Variants in PGP observed in about 807,000 individuals in gnomAD.
PGP encodes the protein phosphoglycolate phosphatase, also known as aspartate-based ubiquitous Mg(2+)-dependent phosphatase.
A neutral mutation model predicts 19.3 loss-of-function variants in PGP; 9 were observed. That is an observed-to-expected ratio of 0.47 (90% confidence interval 0.28 to 0.81). PGP has a LOEUF of 0.81. Among genes scored for constraint, PGP ranks in the 40% least tolerant of loss-of-function variants. The probability of loss-of-function intolerance (pLI) is 0.11; values close to 1 mark genes in which losing one functional copy is unlikely to be tolerated. For synonymous variants in PGP, 308 were observed against 226.8 expected, an observed-to-expected ratio of 1.36 and a Z score of -3.22; for missense variants, 403 against 479.9, an observed-to-expected ratio of 0.84 and a Z score of 1.50.
rs1208967303 is a variant in PGP, at chr16:2,213,453, G to C, written c.*275C>G. 2.4e-6 allele frequency: 2 copies of C among 833,336 alleles called. No homozygotes were observed. Among genetic ancestry groups the C allele is most frequent in the Non-Finnish European group, 3.1e-6 (2 of 641,932 alleles). 51.6% of individuals were successfully genotyped at this position (833,336 alleles called of 1,614,324 possible). On this transcript the variant is annotated 3_prime_UTR_variant, in exon 2 of 2. Transcript: ENST00000333503. ...CCCTGGTTACCTGAATCCCGGACAGGTGCAGAGCCTGCCCCTGCCAACCCC... is the reference window on the plus strand; with the variant it reads ...CCCTGGTTACCTGAATCCCGGACAGCTGCAGAGCCTGCCCCTGCCAACCCC...
rs192654577 is a variant in PGP at position 2,213,092 on chromosome 16, C to G, written c.*636G>C. On this transcript the variant is annotated 3_prime_UTR_variant, in exon 2 of 2. Transcript: ENST00000333503. ...AGAACTGGGCAGCAGCCCTGGGTAT[C>G]TGAAACGGAACAGACACTCAGTTGT... The G allele has an allele frequency of 1.0e-5, 10 of 985,414 alleles. No homozygotes were observed. Among genetic ancestry groups the G allele is most frequent in the East Asian group, 1.1e-4 (1 of 8,842 alleles). The allele number at this position is 985,414 out of a possible 1,614,324, so 61.0% of individuals were successfully genotyped here. A position where few individuals can be genotyped will look rare whatever the true frequency, so the allele number is the denominator to read the frequency against.
rs983859824 is a variant in PGP, at chr16:2,214,586, G to T, written c.192C>A (p.Gly64=). 2.0e-6 allele frequency: 3 copies of T among 1,470,702 alleles called. No homozygotes were observed. Among genetic ancestry groups the T allele is most frequent in the African/African-American group, 2.9e-5 (2 of 68,064 alleles). The allele number at this position is 1,470,702 out of a possible 1,614,324, so 91.1% of individuals were successfully genotyped here. ...TCTTGCTGCTGTTGTTGGTGATGAA[G>T]CCCAGGCGCTTGCCGCGGGCTCGCA... ...RALRARGKRL[G]FITNNSSKTR... is the part of the protein sequence containing the mutation. Residue 64 remains glycine, a synonymous_variant, in exon 1 of 2, where the codon GGC becomes GGA. Coordinates refer to ENST00000333503, the MANE Select transcript of PGP (RefSeq NM_001042371.3). This position sits in a 1 kb window ranked among gnomAD's most constrained non-coding sequence, Gnocchi z 7.1.
In PGP at chr16:2,213,345, C is replaced by T; in HGVS notation, c.*383G>A. 7.0e-6 allele frequency: 7 copies of T among 993,666 alleles called. No individual in the cohort carries two copies. Among genetic ancestry groups the T allele is most frequent in the Non-Finnish European group, 8.4e-6 (7 of 835,194 alleles). The allele number at this position is 993,666 out of a possible 1,614,324, so 61.6% of individuals were successfully genotyped here. On this transcript the variant is annotated 3_prime_UTR_variant, in exon 2 of 2. Coordinates refer to ENST00000333503, the MANE Select transcript of PGP (RefSeq NM_001042371.3). ...GTCAGAATAATCAGTCCCTCTGCCCCCTGAGGGGCTGGATCCCTGAATGAG... is the reference window on the plus strand; with the variant it reads ...GTCAGAATAATCAGTCCCTCTGCCCTCTGAGGGGCTGGATCCCTGAATGAG...
At position 2,213,308 on chromosome 16, in the gene PGP, C is replaced by A. The variant is rs975576805; in HGVS notation, c.*420G>T. 13 of 988,316 alleles carry A rather than the reference C, an allele frequency of 1.3e-5. No individual in the cohort carries two copies. Among genetic ancestry groups the A allele is most frequent in the Non-Finnish European group, 1.6e-5 (13 of 831,722 alleles). 61.2% of individuals were successfully genotyped at this position (988,316 alleles called of 1,614,324 possible). On this transcript the variant is annotated 3_prime_UTR_variant, in exon 2 of 2. Transcript: ENST00000333503. ...CTGATGGGGCTCTGGTCCATGCAAG[C>A]CTCTCCCAACAGTCAGAATAATCAG...
chr16:2,212,956 T>C lies in PGP; in HGVS notation c.*772A>G. On this transcript the variant is annotated 3_prime_UTR_variant, in exon 2 of 2. Coordinates refer to ENST00000333503, the MANE Select transcript of PGP (RefSeq NM_001042371.3). ...CAGCACTGCTCTGAGCTCCCTGCACTGCAGCCCGGAGTTCAGTGAAGGCGT... is the reference window on the plus strand; with the variant it reads ...CAGCACTGCTCTGAGCTCCCTGCACCGCAGCCCGGAGTTCAGTGAAGGCGT... 2 of 985,530 alleles carry C rather than the reference T, an allele frequency of 2.0e-6. No homozygotes were observed. Among genetic ancestry groups the C allele is most frequent in the Non-Finnish European group, 2.4e-6 (2 of 829,954 alleles). The allele number at this position is 985,530 out of a possible 1,614,324, so 61.0% of individuals were successfully genotyped here.
At position 2,213,337 on chromosome 16, in the gene PGP, C is replaced by A; in HGVS notation, c.*391G>T. 1.0e-6 allele frequency: 1 copy of A among 992,120 alleles called. No homozygotes were observed. The highest frequency in any genetic ancestry group is 1.2e-6 in the Non-Finnish European group (1 of 834,286). 61.5% of individuals were successfully genotyped at this position (992,120 alleles called of 1,614,324 possible). A position where few individuals can be genotyped will look rare whatever the true frequency, so the allele number is the denominator to read the frequency against. ...TCCCAACAGTCAGAATAATCAGTCC[C>A]TCTGCCCCCTGAGGGGCTGGATCCC... On this transcript the variant is annotated 3_prime_UTR_variant, in exon 2 of 2. Transcript: ENST00000333503.
Position 2,213,688 on chromosome 16 carries a change from T to G in PGP, c.*40A>C, listed in dbSNP as rs753555611. ...ATTAATTTGGGTAACTGGTTTTCAA[T>G]TTCTTTTTTTTTATTCTGCAGATTA... On this transcript the variant is annotated 3_prime_UTR_variant, in exon 2 of 2. Coordinates refer to ENST00000333503, the MANE Select transcript of PGP (RefSeq NM_001042371.3). 6.8e-7 allele frequency: 1 copy of G among 1,477,604 alleles called. No individual in the cohort carries two copies. Among genetic ancestry groups the G allele is most frequent in the East Asian group, 2.4e-5 (1 of 41,700 alleles). 91.5% of individuals were successfully genotyped at this position (1,477,604 alleles called of 1,614,324 possible).
Position 2,213,835 on chromosome 16 carries a change from C to G in PGP, c.859G>C (p.Gly287Arg), listed in dbSNP as rs116977380. 1 of 1,611,730 alleles carries G rather than the reference C, an allele frequency of 6.2e-7. No homozygotes were observed. Among genetic ancestry groups the G allele is most frequent in the South Asian group, 1.1e-5 (1 of 91,022 alleles). ...CTTTCCTGATTATTCTTCACATCCC[C>G]TAGAGTGGAGACTCCGGTGAGGGTC... ...ILTLTGVSTL[G>R]DVKNNQESDC... The change falls in exon 2 of 2, where the codon GGG (glycine) becomes CGG (arginine). Residue 287 changes from glycine (G) to arginine (R), a missense_variant. By Grantham distance (125) the Gly-to-Arg change is moderately radical. Coordinates refer to ENST00000333503, the MANE Select transcript of PGP (RefSeq NM_001042371.3).
In PGP at chr16:2,214,694, C is replaced by A; in HGVS notation, c.84G>T (p.Val28=). The stretch of plus-strand genomic sequence containing the variant: ...CGTCGCAGTCGAACAGCAGCGTGTC[C>A]ACGTCGGCCAGCAGCGCCTGTGCCC... ...AERAQALLAD[V]DTLLFDCDGV... is the part of the protein sequence containing the mutation. Residue 28 remains valine (V), a synonymous_variant, in exon 1 of 2, where the codon GTG becomes GTT. Transcript: ENST00000333503. This position sits in a 1 kb window ranked among gnomAD's most constrained non-coding sequence, Gnocchi z 7.1. The A allele has an allele frequency of 7.1e-7, 1 of 1,408,058 alleles. No homozygotes were observed. The highest frequency in any genetic ancestry group is 2.7e-5 in the Admixed American group (1 of 37,116). 87.2% of individuals were successfully genotyped at this position (1,408,058 alleles called of 1,614,324 possible). A position where few individuals can be genotyped will look rare whatever the true frequency, so the allele number is the denominator to read the frequency against.
chr16:2,213,955 CCTGGGACA>C lies in PGP; in HGVS notation c.731_738del (p.Val244GlyfsTer46). 1 of 1,611,886 alleles carries C rather than the reference CCTGGGACA, an allele frequency of 6.2e-7. No individual in the cohort carries two copies. Among genetic ancestry groups the C allele is most frequent in the Non-Finnish European group, 8.5e-7 (1 of 1,178,766 alleles). ...GTGCGCTCGGGGTTGATGCCGTATTCCTGGGACACGCAGTCGAAAATGAAGCGGCTGGG... is the reference window on the plus strand; with the variant it reads ...GTGCGCTCGGGGTTGATGCCGTATTCCGCAGTCGAAAATGAAGCGGCTGGG... On this transcript the variant is annotated frameshift_variant, in exon 2 of 2. Transcript: ENST00000333503. LOFTEE classifies it high-confidence loss of function.
rs1381284418 is a variant in PGP, at chr16:2,213,138, G to C, written c.*590C>G. 1 of 985,386 alleles carries C rather than the reference G, an allele frequency of 1.0e-6. No homozygotes were observed. Among genetic ancestry groups the C allele is most frequent in the African/African-American group, 1.7e-5 (1 of 57,234 alleles). The allele number at this position is 985,386 out of a possible 1,614,324, so 61.0% of individuals were successfully genotyped here. On this transcript the variant is annotated 3_prime_UTR_variant, in exon 2 of 2. Transcript: ENST00000333503. ...GTTGTGACATCAGAGTGGTTTTCAA[G>C]GAAGTAAGGGAGGTGGGAGAGTGGT...
At position 2,212,689 on chromosome 16, in the gene PGP, C is replaced by T. The variant is rs1738058366; in HGVS notation, c.*1039G>A. 2 of 985,382 alleles carry T rather than the reference C, an allele frequency of 2.0e-6. No homozygotes were observed. The highest frequency in any genetic ancestry group is 4.7e-5 in the South Asian group (1 of 21,298). 61.0% of individuals were successfully genotyped at this position (985,382 alleles called of 1,614,324 possible). A position where few individuals can be genotyped will look rare whatever the true frequency, so the allele number is the denominator to read the frequency against. The stretch of plus-strand genomic sequence containing the variant: ...TTGGGGACATAACTCTCGTCCCCTC[C>T]CAGAGCCCTGGATGACTGACAGGCA... On this transcript the variant is annotated 3_prime_UTR_variant, in exon 2 of 2. Transcript: ENST00000333503.
At position 2,211,843 on chromosome 16, in the gene PGP, C is replaced by T. The variant is rs1017267418; in HGVS notation, c.*1885G>A. 3.8e-5 allele frequency: 37 copies of T among 985,442 alleles called. No homozygotes were observed. Among genetic ancestry groups the T allele is most frequent in the Non-Finnish European group, 4.5e-5 (37 of 829,996 alleles). The allele number at this position is 985,442 out of a possible 1,614,324, so 61.0% of individuals were successfully genotyped here. ...CCTGGCTTTCCCTCATTCTTCAAAA[C>T]ATCTTCCTCTGAACCAGGCTGGGAG... On this transcript the variant is annotated 3_prime_UTR_variant, in exon 2 of 2. Transcript: ENST00000333503.
At position 2,213,057 on chromosome 16, in the gene PGP, C is replaced by G. The variant is rs903583599; in HGVS notation, c.*671G>C. 2 of 985,382 alleles carry G rather than the reference C, an allele frequency of 2.0e-6. No individual in the cohort carries two copies. The highest frequency in any genetic ancestry group is 3.5e-5 in the African/African-American group (2 of 57,248). The allele number at this position is 985,382 out of a possible 1,614,324, so 61.0% of individuals were successfully genotyped here. A position where few individuals can be genotyped will look rare whatever the true frequency, so the allele number is the denominator to read the frequency against. Reference sequence around the variant, plus strand: ...TTGAGACAGCAGAGCTTTAGCTGGGCTGCGTTTACAGAACTGGGCAGCAGC... The same window carrying G: ...TTGAGACAGCAGAGCTTTAGCTGGGGTGCGTTTACAGAACTGGGCAGCAGC... On this transcript the variant is annotated 3_prime_UTR_variant, in exon 2 of 2. Coordinates refer to ENST00000333503, the MANE Select transcript of PGP (RefSeq NM_001042371.3).
Position 2,213,364 on chromosome 16 carries a change from G to A in PGP, c.*364C>T. 1 of 1,000,462 alleles carries A rather than the reference G, an allele frequency of 1.0e-6. No homozygotes were observed. Among genetic ancestry groups the A allele is most frequent in the African/African-American group, 1.7e-5 (1 of 57,862 alleles). 62.0% of individuals were successfully genotyped at this position (1,000,462 alleles called of 1,614,324 possible). On this transcript the variant is annotated 3_prime_UTR_variant, in exon 2 of 2. Transcript: ENST00000333503. ...CTGCCCCCTGAGGGGCTGGATCCCT[G>A]AATGAGTTTTTCAATAAAATACAGG...
chr16:2,212,598 C>T lies in PGP; in HGVS notation c.*1130G>A, dbSNP rs2141403850. 1 of 985,478 alleles carries T rather than the reference C, an allele frequency of 1.0e-6. No homozygotes were observed. Among genetic ancestry groups the T allele is most frequent in the South Asian group, 4.7e-5 (1 of 21,290 alleles). 61.0% of individuals were successfully genotyped at this position (985,478 alleles called of 1,614,324 possible). On this transcript the variant is annotated 3_prime_UTR_variant, in exon 2 of 2. Coordinates refer to ENST00000333503, the MANE Select transcript of PGP (RefSeq NM_001042371.3). ...CCTCCTGGGCCACCAGTCTCTAACCCCTACCCCAGCCTAGGGAAGGGGAGG... is the reference window on the plus strand; with the variant it reads ...CCTCCTGGGCCACCAGTCTCTAACCTCTACCCCAGCCTAGGGAAGGGGAGG...
In PGP at chr16:2,212,004, G is replaced by C. The variant is rs536153053; in HGVS notation, c.*1724C>G. 47 of 985,548 alleles carry C rather than the reference G, an allele frequency of 4.8e-5. No individual in the cohort carries two copies. In the South Asian group the frequency reaches 2.0e-3, roughly 42 times the overall value. The allele number at this position is 985,548 out of a possible 1,614,324, so 61.1% of individuals were successfully genotyped here. ...AGGACACCTGAGCCAGTGTGGGTTT[G>C]AGAGTTTAATCTGTGCTCTGGCGCC... On this transcript the variant is annotated 3_prime_UTR_variant, in exon 2 of 2. Transcript: ENST00000333503.
At position 2,213,642 on chromosome 16, in the gene PGP, G is replaced by A; in HGVS notation, c.*86C>T. The A allele has an allele frequency of 5.4e-6, 7 of 1,292,442 alleles. No homozygotes were observed. The highest frequency in any genetic ancestry group is 6.3e-6 in the Non-Finnish European group (6 of 959,134). The allele number at this position is 1,292,442 out of a possible 1,614,324, so 80.1% of individuals were successfully genotyped here. ...ACACTCTTTGAAGCCACTTAGCCGA[G>A]CAGATGCTTAAGCCCCACCTATTAA... On this transcript the variant is annotated 3_prime_UTR_variant, in exon 2 of 2. Transcript: ENST00000333503.
Position 2,214,476 on chromosome 16 carries a change from G to A in PGP, c.302C>T (p.Thr101Met). The part of the protein sequence containing the change: ...GPGASLEVFG[T>M]AYCTALYLRQ... Reference sequence around the variant, plus strand: ...CAGGTAGAGCGCGGTGCAGTAGGCCGTGCCGAAGACCTCCAGGCTGGCGCC... The same window carrying A: ...CAGGTAGAGCGCGGTGCAGTAGGCCATGCCGAAGACCTCCAGGCTGGCGCC... The change falls in exon 1 of 2, where the codon ACG becomes ATG. Residue 101 changes from threonine (T) to methionine (M), a missense_variant. Thr to Met is a moderately conservative substitution (Grantham distance 81). Coordinates refer to ENST00000333503, the MANE Select transcript of PGP (RefSeq NM_001042371.3). The surrounding 1 kb of genome is among the most constrained non-coding windows in gnomAD (Gnocchi z 7.1). 5 of 1,384,336 alleles carry A rather than the reference G, an allele frequency of 3.6e-6. No homozygotes were observed. Among genetic ancestry groups the A allele is most frequent in the Middle Eastern group, 2.3e-4 (1 of 4,436 alleles). 85.8% of individuals were successfully genotyped at this position (1,384,336 alleles called of 1,614,324 possible). A position where few individuals can be genotyped will look rare whatever the true frequency, so the allele number is the denominator to read the frequency against.
Sources: allele counts gnomAD v4.1 joint callset, GRCh38; gene constraint gnomAD v4.1.1; non-coding constraint Gnocchi (gnomAD v3.1); transcripts MANE v1.5; gene names NCBI Gene and HGNC (gene_info 2026-07-23, HGNC 2026-07-21).